The following ADAMTS18 variants were observed in gnomAD, a reference collection of about 807,000 sequenced individuals.
ADAMTS18 encodes the protein A disintegrin and metalloproteinase with thrombospondin motifs 18.
Under a neutral mutation model 165.9 loss-of-function variants are expected in ADAMTS18, and 157 were observed. The observed-to-expected ratio is 0.95, with a 90% CI of 0.83 to 1.08. The LOEUF is 1.08. ADAMTS18 is among the 50% of genes least tolerant of loss of function. The pLI is 0.00. For missense variants in ADAMTS18, 2,040 were observed against 1,534.0 expected (o/e 1.33, Z -5.51); for synonymous variants, 782 against 578.2 (o/e 1.35, Z -5.06).
rs756700319 is a variant in ADAMTS18 at position 77,289,409 on chromosome 16, G to A, written c.3405C>T (p.Cys1135=). ...GGACCCCTCCCCCACAGGTGACTGT[G>A]CACTGCAGCAGAGAGAAGAGGAAGG... is the stretch of plus-strand genomic sequence containing the variant. ...AGWYSLPWQQ[C]TVTCGGGVQT... Residue 1135 remains cysteine, a splice_region_variant and synonymous_variant, in exon 22 of 23, where the codon TGC becomes TGT. Transcript: ENST00000282849. 1.2e-6 allele frequency: 2 copies of A among 1,614,014 alleles called. No homozygotes were observed. Among genetic ancestry groups the A allele is most frequent in the Non-Finnish European group, 1.7e-6 (2 of 1,179,960 alleles).
intron 3 of ADAMTS18, among the ~76,000 whole-genome samples, chr16:77,389,059 G>C (rs947493322): frequency 1.3e-5 from 2 of 152,174 alleles, no homozygotes; most frequent in African/African-American, 4.8e-5. Flanking sequence ...CAGTACTTTG[G>C]GAGGCCAAGG....
Position 77,284,167 on chromosome 16 carries a change from C to G in ADAMTS18, c.3551-96G>C. 6.3e-6 allele frequency: 5 copies of G among 790,880 alleles called. No homozygotes were observed. In the Admixed American group the frequency reaches 8.3e-5, roughly 13 times the overall value. 49.0% of individuals were successfully genotyped at this position (790,880 alleles called of 1,614,324 possible). A position where few individuals can be genotyped will look rare whatever the true frequency, so the allele number is the denominator to read the frequency against. On this transcript the variant is annotated intron_variant, in intron 22 of 22. Transcript: ENST00000282849. ...ATGGAGTCTCACTCTGTTACCTAGG[C>G]TGGAGTGCAGTGGTGTGGTGTGATC...
intron 20 of ADAMTS18, among the ~76,000 whole-genome samples, chr16:77,292,108 C>A (rs1048007819): frequency 6.6e-6 from 1 of 152,014 alleles, no homozygotes; most frequent in Non-Finnish European, 1.5e-5. Flanking sequence ...GAGTTCAAGA[C>A]CAGCCTCAGC....
chr16:77,357,354 G>A (rs1474932958), intron 8 of ADAMTS18, among the ~76,000 whole-genome samples: 1 of 152,080 alleles, frequency 6.6e-6, no homozygotes, highest in Non-Finnish European at 1.5e-5. Flanking sequence ...GTATTCAGAG[G>A]TGACCACTCA....
intron 19 of ADAMTS18, 102 bp downstream of exon 19, chr16:77,294,821 A>G: frequency 2.7e-6 from 3 of 1,131,900 alleles, no homozygotes; most frequent in Non-Finnish European, 2.6e-6. Context: ...GGTGATTTCC[A>G]TGAACATGTA....
intron 3 of ADAMTS18, among the ~76,000 whole-genome samples, chr16:77,416,582 C>T (rs1374603241): frequency 6.6e-6 from 1 of 152,188 alleles, no homozygotes; most frequent in African/African-American, 2.4e-5. Flanking sequence ...GCTTTTGCTT[C>T]TCCTTTGCCT....
intron 11 of ADAMTS18, among the ~76,000 whole-genome samples, chr16:77,340,084 C>T (rs1341997557): frequency 1.3e-5 from 2 of 152,058 alleles, no homozygotes; most frequent in Admixed American, 6.6e-5. Flanking sequence ...ATCTGGGCCC[C>T]GACAGCAACT....
At chr16:77,297,805 T>G (rs2055502889) in intron 17 of ADAMTS18, among the ~76,000 whole-genome samples, 1 of 151,988 alleles carries the variant, frequency 6.6e-6, no homozygotes, top group African/African-American at 2.4e-5. Context: ...CCCTAAGATT[T>G]TGCCTTAACA....
chr16:77,313,330 A>T (rs1046257685), intron 16 of ADAMTS18, among the ~76,000 whole-genome samples: 2 of 152,050 alleles, frequency 1.3e-5, no homozygotes, highest in Admixed American at 6.6e-5. Context: ...GCATTAGGAG[A>T]TATACCTAAC....
chr16:77,401,411 T>G (rs1252749072), intron 3 of ADAMTS18, among the ~76,000 whole-genome samples: 1 of 152,224 alleles, frequency 6.6e-6, no homozygotes, highest in Non-Finnish European at 1.5e-5. Context: ...TCCTTTGAAA[T>G]GGATGATATT....
chr16:77,359,311 C>A lies in ADAMTS18; in HGVS notation c.1322+7G>T. The A allele has an allele frequency of 6.2e-7, 1 of 1,612,488 alleles. No individual in the cohort carries two copies. Among genetic ancestry groups the A allele is most frequent in the Non-Finnish European group, 8.5e-7 (1 of 1,179,068 alleles). On this transcript the variant is annotated splice_region_variant and intron_variant, in intron 8 of 22. Coordinates refer to ENST00000282849, the MANE Select transcript of ADAMTS18 (RefSeq NM_199355.4). Reference sequence around the variant, plus strand: ...CACATAAAGTAGTGGTTCAAAGAGGCACTTACTTGTGCCCTGACTCATGAG... The same window carrying A: ...CACATAAAGTAGTGGTTCAAAGAGGAACTTACTTGTGCCCTGACTCATGAG...
intron 3 of ADAMTS18, among the ~76,000 whole-genome samples, chr16:77,408,320 G>C (rs2057418095): frequency 6.6e-6 from 1 of 152,114 alleles, no homozygotes; most frequent in Non-Finnish European, 1.5e-5. Flanking sequence ...ATTTGCACAT[G>C]CTAGATGACC....
intron 3 of ADAMTS18, among the ~76,000 whole-genome samples, chr16:77,398,844 A>T (rs2057291882): frequency 6.6e-6 from 1 of 152,210 alleles, no homozygotes; most frequent in South Asian, 2.1e-4. Context: ...TAAGAAGTGT[A>T]AGTTTAAGAC....
At chr16:77,363,565 ATTAT>A (rs1336362293) in intron 6 of ADAMTS18, among the ~76,000 whole-genome samples, 1 of 150,874 alleles carries the variant, frequency 6.6e-6, no homozygotes, top group Non-Finnish European at 1.5e-5. Flanking sequence ...CTTATGTACC[ATTAT>A]TTATGTATAC....
intron 3 of ADAMTS18, among the ~76,000 whole-genome samples, chr16:77,391,540 A>C (rs530151690): frequency 1.6e-4 from 24 of 151,818 alleles, no homozygotes; most frequent in African/African-American, 5.8e-4. Context: ...GGAACCTGTC[A>C]ATGTCAAATA....
chr16:77,400,924 A>G (rs995543205), intron 3 of ADAMTS18, among the ~76,000 whole-genome samples: 1 of 146,138 alleles, frequency 6.8e-6, no homozygotes, highest in Non-Finnish European at 1.5e-5. Flanking sequence ...CAAATAAACT[A>G]CCTGCACCCA....
At chr16:77,373,640 C>G (rs539234365) in intron 3 of ADAMTS18, among the ~76,000 whole-genome samples, 2 of 151,798 alleles carry the variant, frequency 1.3e-5, no homozygotes, top group African/African-American at 2.4e-5. Context: ...GATGGGTGCA[C>G]CAAAATCTCA....
chr16:77,305,655 A>G (rs2055668145), intron 16 of ADAMTS18, among the ~76,000 whole-genome samples: 1 of 152,210 alleles, frequency 6.6e-6, no homozygotes. Context: ...CTGCAATCTG[A>G]CAATGACTTC....
intron 19 of ADAMTS18, among the ~76,000 whole-genome samples, chr16:77,293,753 G>T (rs1473872247): frequency 6.7e-6 from 1 of 148,870 alleles, no homozygotes; most frequent in South Asian, 2.2e-4. Flanking sequence ...ATTCTCATAA[G>T]TAACATGCAT....
Sources: allele counts gnomAD v4.1 joint callset (sites outside exome capture counted in the v4.1 genomes callset), GRCh38; gene constraint gnomAD v4.1.1; transcripts MANE v1.5; gene names NCBI Gene and HGNC (gene_info 2026-07-23, HGNC 2026-07-21).